The following AHNAK2 variants were observed in gnomAD, a reference collection of about 807,000 sequenced individuals.
AHNAK2 encodes protein AHNAK2.
A neutral mutation model predicts 30.7 loss-of-function variants in AHNAK2; 18 were observed. That is an observed-to-expected ratio of 0.59 (90% CI 0.41 to 0.87). AHNAK2 has a LOEUF of 0.87. Ranked by LOEUF, AHNAK2 falls within the 40% of genes least tolerant of loss-of-function variation. AHNAK2 has a pLI of 0.00. For synonymous variants in AHNAK2, 3,590 were observed against 3,073.8 expected, an observed-to-expected ratio of 1.17 and a Z score of -5.56; for missense variants, 8,604 against 7,373.0, an observed-to-expected ratio of 1.17 and a Z score of -6.11.
In AHNAK2 at chr14:104,955,135, T is replaced by C. The variant is rs748622248; in HGVS notation, c.473A>G (p.Gln158Arg). Residue 158 changes from glutamine (Q) to arginine (R), a missense_variant, in exon 6 of 7, where the codon CAG (glutamine) becomes CGG (arginine). Gln to Arg is a conservative substitution (Grantham distance 43). Coordinates refer to ENST00000333244, the MANE Select transcript of AHNAK2 (RefSeq NM_138420.4). ...AKLFNLREGD[Q>R]LLSTTVFFEN... ...AAAGAACACGGTTGTACTGAGCAGC[T>C]GATCCCCTAGACCAAGAAAGAGCAG... 1.1e-5 allele frequency: 18 copies of C among 1,607,278 alleles called. No homozygotes were observed. The South Asian group carries it at 2.0e-4, about 18-fold the overall frequency.
chr14:104,943,123 G>T lies in AHNAK2; in HGVS notation c.12328C>A (p.Leu4110Met). 1 of 1,613,284 alleles carries T rather than the reference G, an allele frequency of 6.2e-7. No homozygotes were observed. The highest frequency in any genetic ancestry group is 8.5e-7 in the Non-Finnish European group (1 of 1,179,590). ...EVDVQAPRAK[L>M]DGVQLEGDLS... ...TCCCCCTCCAGCTGCACACCATCCAGCTTTGCTCTCGGGGCCTGGACGTCC... is the reference window on the plus strand; with the variant it reads ...TCCCCCTCCAGCTGCACACCATCCATCTTTGCTCTCGGGGCCTGGACGTCC... The change falls in exon 7 of 7, where the codon CTG becomes ATG. Residue 4110 changes from leucine (L) to methionine (M), a missense_variant. Leu to Met is a conservative substitution (Grantham distance 15). Coordinates refer to ENST00000333244, the MANE Select transcript of AHNAK2 (RefSeq NM_138420.4).
Position 104,941,308 on chromosome 14 carries a change from TG to T in AHNAK2, c.14142del (p.Thr4716LeufsTer6), listed in dbSNP as rs1897976957. Reference sequence around the variant, plus strand: ...GGGACTAAACTATCTTTAGGAGTTTTGGTAGAAGAAAATGAAACTTTGGGCA... The same window carrying T: ...GGGACTAAACTATCTTTAGGAGTTTTGTAGAAGAAAATGAAACTTTGGGCA... ...FKVPKVSFSS[T>X]KTPKDSLVPG... On this transcript the variant is annotated frameshift_variant, in exon 7 of 7. Transcript: ENST00000333244. LOFTEE classifies it low-confidence loss of function (END_TRUNC). The T allele has an allele frequency of 6.2e-7, 1 of 1,613,538 alleles. No individual in the cohort carries two copies. Among genetic ancestry groups the T allele is most frequent in the Non-Finnish European group, 8.5e-7 (1 of 1,179,854 alleles).
chr14:104,955,266 C>T, intron 5 of AHNAK2, 125 bp from the exon 6 acceptor site: 1 of 1,319,492 alleles, frequency 7.6e-7, no homozygotes, highest in Non-Finnish European at 1.0e-6. Context: ...GTCTGCCCCA[C>T]CAGTCCCCCA....
At chr14:104,955,419 C>G (rs573646775) in intron 5 of AHNAK2, 64 bp downstream of exon 5, 67 of 1,541,436 alleles carry the variant, frequency 4.3e-5, no homozygotes, top group South Asian at 3.2e-4. Context: ...TCAATACCCC[C>G]CTCCAGGTCC....
Position 104,953,539 on chromosome 14 carries a change from CTTCTTT to C in AHNAK2, c.1906_1911del (p.Lys636_Glu637del), listed in dbSNP as rs779655261. On this transcript the variant is annotated inframe_deletion, in exon 7 of 7. Coordinates refer to ENST00000333244, the MANE Select transcript of AHNAK2 (RefSeq NM_138420.4). ...GTTGTGTTTGTCATTGAGTCACTGT[CTTCTTT>C]GTCTTTTAATCCTTCCTCTGTGCGT... 1 of 1,613,972 alleles carries C rather than the reference CTTCTTT, an allele frequency of 6.2e-7. No individual in the cohort carries two copies. Among genetic ancestry groups the C allele is most frequent in the South Asian group, 1.1e-5 (1 of 91,080 alleles).
chr14:104,978,333 G>C lies in AHNAK2; in HGVS notation c.-96C>G. 1.2e-6 allele frequency: 1 copy of C among 836,960 alleles called. No individual in the cohort carries two copies. Among genetic ancestry groups the C allele is most frequent in the South Asian group, 5.5e-5 (1 of 18,306 alleles). The allele number at this position is 836,960 out of a possible 1,614,324, so 51.8% of individuals were successfully genotyped here. A position where few individuals can be genotyped will look rare whatever the true frequency, so the allele number is the denominator to read the frequency against. Reference sequence around the variant, plus strand: ...GGCGGGCGGGCGGGAGCCGCGCTCTGCCCCGCTGCCCTGCGCTGCCGCGGG... The same window carrying C: ...GGCGGGCGGGCGGGAGCCGCGCTCTCCCCCGCTGCCCTGCGCTGCCGCGGG... On this transcript the variant is annotated 5_prime_UTR_variant, in exon 1 of 7. Transcript: ENST00000333244.
chr14:104,977,359 G>A (rs1163387623), intron 1 of AHNAK2, among the ~76,000 whole-genome samples: 10 of 152,140 alleles, frequency 6.6e-5, no homozygotes, highest in Non-Finnish European at 1.3e-4. Flanking sequence ...CCCAGGCCCC[G>A]GAACCAGGCC....
At position 104,955,552 on chromosome 14, in the gene AHNAK2, C is replaced by A. The variant is rs745578580; in HGVS notation, c.397G>T (p.Asp133Tyr). ...ACTTGCTTGACGAAGATCCCCTGGT[C>A]CCCACCACCTGTGACACTGTAGCCA... ...ASGYSVTGGG[D>Y]QGIFVKQVLK... Residue 133 changes from aspartate (D) to tyrosine (Y), a missense_variant, in exon 5 of 7, where the codon GAC (aspartate) becomes TAC (tyrosine). By Grantham distance (160) the Asp-to-Tyr change is radical. Coordinates refer to ENST00000333244, the MANE Select transcript of AHNAK2 (RefSeq NM_138420.4). 9 of 1,613,584 alleles carry A rather than the reference C, an allele frequency of 5.6e-6. No homozygotes were observed. In the African/African-American group the frequency reaches 9.3e-5, roughly 17 times the overall value.
At position 104,939,838 on chromosome 14, in the gene AHNAK2, T is replaced by C; in HGVS notation, c.15613A>G (p.Arg5205Gly). The C allele has an allele frequency of 6.2e-7, 1 of 1,613,866 alleles. No individual in the cohort carries two copies. Among genetic ancestry groups the C allele is most frequent in the South Asian group, 1.1e-5 (1 of 91,086 alleles). The change falls in exon 7 of 7, where the codon AGG becomes GGG. Residue 5205 changes from arginine (R) to glycine (G), a missense_variant. By Grantham distance (125) the Arg-to-Gly change is moderately radical. Coordinates refer to ENST00000333244, the MANE Select transcript of AHNAK2 (RefSeq NM_138420.4). ...AGCTTTCCAGCCCCGCCTCTGTCCC[T>C]GAAAGAGCGCCTAAGGCTGGGCATG... ...FRMPSLRRSFRDRGGAGKLEV... is the reference protein window; with the variant it reads ...FRMPSLRRSFGDRGGAGKLEV...
intron 1 of AHNAK2, among the ~76,000 whole-genome samples, chr14:104,970,881 TCA>T (rs1045475377): frequency 1.6e-4 from 24 of 152,058 alleles, no homozygotes; most frequent in Admixed American, 1.6e-3. Flanking sequence ...ACCCTGTGTC[TCA>T]GTTTCCCTAT....
intron 1 of AHNAK2, among the ~76,000 whole-genome samples, chr14:104,964,407 A>G (rs1407850270): frequency 1.3e-5 from 2 of 152,092 alleles, no homozygotes; most frequent in Non-Finnish European, 2.9e-5. Context: ...TGGCGCAACC[A>G]CTTGGAAACA....
intron 1 of AHNAK2, among the ~76,000 whole-genome samples, chr14:104,968,495 T>C (rs1899376958): frequency 1.3e-5 from 2 of 152,070 alleles, no homozygotes. Flanking sequence ...TGGGTCCAGA[T>C]TGAGGACTCC....
At position 104,940,311 on chromosome 14, in the gene AHNAK2, G is replaced by A. The variant is rs376813650; in HGVS notation, c.15140C>T (p.Pro5047Leu). The change falls in exon 7 of 7, where the codon CCT becomes CTT. Residue 5047 changes from proline to leucine, a missense_variant. Physicochemically the swap from Pro to Leu is moderately conservative, Grantham distance 98. Transcript: ENST00000333244. The surrounding 1 kb of genome is among the most constrained non-coding windows in gnomAD (Gnocchi z 4.4). ...GVSLPQRDVDPSLSSATAGGS... is the reference protein window; with the variant it reads ...GVSLPQRDVDLSLSSATAGGS... The stretch of plus-strand genomic sequence containing the variant: ...CCCTGCTGTGGCACTAGAAAGGGAA[G>A]GATCCACGTCTCTCTGTGGCAGGCT... 4.3e-6 allele frequency: 7 copies of A among 1,613,702 alleles called. No individual in the cohort carries two copies. The highest frequency in any genetic ancestry group is 4.5e-5 in the East Asian group (2 of 44,890).
Position 104,955,493 on chromosome 14 carries a change from G to A in AHNAK2, c.456C>T (p.Asn152=), listed in dbSNP as rs1201509017. Residue 152 remains asparagine (N), a synonymous_variant, in exon 5 of 7, where the codon AAC becomes AAT. Transcript: ENST00000333244. ...GAACTGCCATGGCACCTTCTCTCAA[G>A]TTAAAAAGCTTGGCGGCTGAGGAGT... is the stretch of plus-strand genomic sequence containing the variant. ...LKDSSAAKLF[N]LREGDQLLST... The A allele has an allele frequency of 6.2e-7, 1 of 1,613,140 alleles. No homozygotes were observed. The highest frequency in any genetic ancestry group is 2.2e-5 in the East Asian group (1 of 44,882).
chr14:104,964,284 G>C (rs552370719), intron 1 of AHNAK2, among the ~76,000 whole-genome samples: 48 of 152,282 alleles, frequency 3.2e-4, no homozygotes, highest in Middle Eastern at 3.4e-3. Context: ...ACAAAACCAC[G>C]AGGTGCCATA....
Position 104,948,904 on chromosome 14 carries a change from C to G in AHNAK2, c.6547G>C (p.Val2183Leu). The change falls in exon 7 of 7, where the codon GTG becomes CTG. Residue 2183 changes from valine to leucine, a missense_variant. Physicochemically the swap from Val to Leu is conservative, Grantham distance 32 (BLOSUM62 1). Coordinates refer to ENST00000333244, the MANE Select transcript of AHNAK2 (RefSeq NM_138420.4). ...EASVDVSPPK[V>L]EADMSLPSMQ... is the part of the protein sequence containing the mutation. ...GAGGGGAGACTCATGTCGGCCTCCA[C>G]CTTGGGTGGAGACACATCCACCGAG... 1 of 1,602,454 alleles carries G rather than the reference C, an allele frequency of 6.2e-7. No homozygotes were observed. The highest frequency in any genetic ancestry group is 8.5e-7 in the Non-Finnish European group (1 of 1,174,092).
At chr14:104,961,534 GT>G (rs1899149129) in intron 1 of AHNAK2, among the ~76,000 whole-genome samples, 1 of 151,454 alleles carries the variant, frequency 6.6e-6, no homozygotes. Context: ...AAAAGTTGCT[GT>G]TGTGAAGATC....
In AHNAK2 at chr14:104,952,487, G is replaced by A. The variant is rs200864702; in HGVS notation, c.2964C>T (p.Asp988=). The change falls in exon 7 of 7, where the codon GAC becomes GAT. Residue 988 remains aspartate (D), a synonymous_variant. Coordinates refer to ENST00000333244, the MANE Select transcript of AHNAK2 (RefSeq NM_138420.4). ...TGCTGTCTTTGGCAGTCACGTCCTT[G>A]TCGGCCAGGGACAGGTCCCCCTCCA... is the stretch of plus-strand genomic sequence containing the variant. ...AWLEGDLSLA[D]KDVTAKDSKF... 5.1e-4 allele frequency: 820 copies of A among 1,612,752 alleles called. 28 individuals carry two copies. The African/African-American group carries it at 0.01, about 20-fold the overall frequency.
In AHNAK2 at chr14:104,949,637, G is replaced by T; in HGVS notation, c.5814C>A (p.Pro1938=). 4 of 1,588,776 alleles carry T rather than the reference G, an allele frequency of 2.5e-6. No individual in the cohort carries two copies. The highest frequency in any genetic ancestry group is 3.4e-6 in the Non-Finnish European group (4 of 1,163,316). The change falls in exon 7 of 7, where the codon CCC becomes CCA. Residue 1938 remains proline (P), a synonymous_variant. Transcript: ENST00000333244. ...CATCGGGGGCTGTCACTTCCGCCTT[G>T]GGGCCTTTCAGGTCCAGCTTGGCGC... The part of the protein sequence containing the change: ...VKGAKLDLKG[P]KAEVTAPDVE...
Sources: allele counts gnomAD v4.1 joint callset (sites outside exome capture counted in the v4.1 genomes callset), GRCh38; gene constraint gnomAD v4.1.1; non-coding constraint Gnocchi (gnomAD v3.1); transcripts MANE v1.5; gene names NCBI Gene and HGNC (gene_info 2026-07-23, HGNC 2026-07-21).